The following PARD3 variants were observed in gnomAD, a reference collection of about 807,000 sequenced individuals.
The protein encoded by PARD3 is partitioning defective 3 homolog.
A neutral mutation model predicts 155.4 loss-of-function variants in PARD3; 75 were observed. The ratio of observed to expected loss-of-function variants is 0.48; its 90% CI spans 0.40 to 0.58. PARD3 has a LOEUF of 0.58. PARD3 is among the 20% of genes least tolerant of loss of function. The pLI, the probability that PARD3 is intolerant of heterozygous loss-of-function variation, is 0.00. For missense variants in PARD3, 1,642 were observed against 1,721.7 expected (o/e 0.95, Z 0.82); for synonymous variants, 576 against 610.5 (o/e 0.94, Z 0.83).
At chr10:34,329,689 G>A (rs2134219672) in intron 19 of PARD3, among the ~76,000 whole-genome samples, 1 of 152,114 alleles carries the variant, frequency 6.6e-6, no homozygotes, top group East Asian at 1.9e-4. Flanking sequence ...TGGAGAGGCC[G>A]CCAAAAGGGA....
At chr10:34,134,128 A>G (rs1947761204) in intron 22 of PARD3, among the ~76,000 whole-genome samples, 1 of 152,204 alleles carries the variant, frequency 6.6e-6, no homozygotes, top group Non-Finnish European at 1.5e-5. Flanking sequence ...AAAAATATAT[A>G]GTGTCCTATA....
At chr10:34,233,579 T>TA (rs1325060584) in intron 22 of PARD3, among the ~76,000 whole-genome samples, 1 of 152,078 alleles carries the variant, frequency 6.6e-6, no homozygotes, top group Non-Finnish European at 1.5e-5. Context: ...ACTCAACACT[T>TA]ACAATGCTCT....
chr10:34,806,307 T>C (rs1343291137), intron 1 of PARD3, among the ~76,000 whole-genome samples: 1 of 151,818 alleles, frequency 6.6e-6, no homozygotes, highest in Non-Finnish European at 1.5e-5. Context: ...GTGATTCTCT[T>C]GCCTCAGCCT....
At chr10:34,436,785 G>A (rs1339240371) in intron 5 of PARD3, among the ~76,000 whole-genome samples, 1 of 152,042 alleles carries the variant, frequency 6.6e-6, no homozygotes, top group Admixed American at 6.5e-5. Flanking sequence ...TTATGTGTCA[G>A]TCTATAAGGA....
At chr10:34,134,334 G>C (rs921883552) in intron 22 of PARD3, among the ~76,000 whole-genome samples, 1 of 150,508 alleles carries the variant, frequency 6.6e-6, no homozygotes, top group African/African-American at 2.5e-5. Context: ...GATTATAGGA[G>C]GTTTGACTGA....
At chr10:34,567,324 A>C (rs1444952397) in intron 2 of PARD3, among the ~76,000 whole-genome samples, 4 of 152,336 alleles carry the variant, frequency 2.6e-5, no homozygotes, top group South Asian at 4.1e-4. Flanking sequence ...ACAATGTCAA[A>C]ATAAATGTTC....
In PARD3 at chr10:34,366,973, G is replaced by A. The variant is rs999780948; in HGVS notation, c.1707+5525C>T. ...GGCTTTATAATGCCTTTTCTAATTC[G>A]AATGGTAGATGCCAAATACATTTTG... On this transcript the variant is annotated intron_variant, in intron 12 of 24. Transcript: ENST00000374788. 1.1e-4 allele frequency among the ~76,000 whole-genome samples: 16 copies of A among 152,078 alleles called. 1 individual carries two copies. In the East Asian group the frequency reaches 1.7e-3, roughly 16 times the overall value.
chr10:34,361,926 C>A (rs554829065), intron 12 of PARD3, among the ~76,000 whole-genome samples: 2 of 152,248 alleles, frequency 1.3e-5, no homozygotes, highest in South Asian at 4.1e-4. Context: ...AAAGTAAATA[C>A]ATTTATGATC....
At chr10:34,579,554 CTGTGTGTGTG>C (rs554959827) in intron 2 of PARD3, among the ~76,000 whole-genome samples, 64 of 122,572 alleles carry the variant, frequency 5.2e-4, no homozygotes, top group Admixed American at 9.9e-4. Context: ...ACCATTTTCT[CTGTGTGTGTG>C]TGTGTGTGTG....
At chr10:34,506,860 A>T (rs1231394670) in intron 3 of PARD3, among the ~76,000 whole-genome samples, 1 of 152,224 alleles carries the variant, frequency 6.6e-6, no homozygotes, top group East Asian at 1.9e-4. Flanking sequence ...GTGAAAAAGA[A>T]GATTTTATTG....
intron 2 of PARD3, among the ~76,000 whole-genome samples, chr10:34,628,482 G>A (rs1206503115): frequency 6.6e-6 from 1 of 152,252 alleles, no homozygotes; most frequent in African/African-American, 2.4e-5. Context: ...TATATCCTCT[G>A]TCCCAAGAAT....
intron 22 of PARD3, among the ~76,000 whole-genome samples, chr10:34,152,641 T>C (rs1220164394): frequency 6.6e-6 from 1 of 152,200 alleles, no homozygotes; most frequent in African/African-American, 2.4e-5. Context: ...TGTGCTGATC[T>C]CTATCATGGC....
intron 14 of PARD3, among the ~76,000 whole-genome samples, chr10:34,348,906 A>C (rs1837709899): frequency 6.6e-6 from 1 of 152,260 alleles, no homozygotes; most frequent in East Asian, 1.9e-4. Flanking sequence ...ATTTCTTAAA[A>C]CAGCTAGCTG....
chr10:34,337,501 T>C lies in PARD3; in HGVS notation c.2409-75A>G, dbSNP rs554736593. 1.3e-5 allele frequency: 11 copies of C among 817,246 alleles called. No homozygotes were observed. The South Asian group carries it at 3.0e-4, about 22-fold the overall frequency. The allele number at this position is 817,246 out of a possible 1,614,324, so 50.6% of individuals were successfully genotyped here. On this transcript the variant is annotated intron_variant, in intron 16 of 24. Transcript: ENST00000374788. ...CATCCATTTTAGGGAGGTTCATACATACCTGCAAGTGTAAATATACATATG... is the reference window on the plus strand; with the variant it reads ...CATCCATTTTAGGGAGGTTCATACACACCTGCAAGTGTAAATATACATATG...
intron 23 of PARD3, among the ~76,000 whole-genome samples, chr10:34,126,165 C>A (rs1322408965): frequency 6.6e-6 from 1 of 152,146 alleles, no homozygotes; most frequent in African/African-American, 2.4e-5. Context: ...GAATTCACTT[C>A]AATTATGGAG....
intron 1 of PARD3, among the ~76,000 whole-genome samples, chr10:34,762,469 C>CTTTTTTTTTTTTTT (rs72049773): frequency 2.0e-5 from 2 of 98,660 alleles, no homozygotes; most frequent in Non-Finnish European, 3.9e-5. Context: ...CCATGCCTGA[C>CTTTTTTTTTTTTTT]TTTTTTTTTT....
At chr10:34,490,329 T>G (rs1308972965) in intron 3 of PARD3, among the ~76,000 whole-genome samples, 1 of 152,118 alleles carries the variant, frequency 6.6e-6, no homozygotes, top group Non-Finnish European at 1.5e-5. Flanking sequence ...ACAATTTATT[T>G]TATTATTAGG....
At chr10:34,253,991 G>GCT (rs1954486907) in intron 22 of PARD3, among the ~76,000 whole-genome samples, 1 of 152,082 alleles carries the variant, frequency 6.6e-6, no homozygotes, top group Non-Finnish European at 1.5e-5. Flanking sequence ...CACGCACATT[G>GCT]CTCCAGTGAT....
chr10:34,427,149 T>C (rs2075653836), intron 5 of PARD3, among the ~76,000 whole-genome samples: 1 of 152,158 alleles, frequency 6.6e-6, no homozygotes, highest in Non-Finnish European at 1.5e-5. Flanking sequence ...TCTGGGCACC[T>C]TAAGAACAGG....
Sources: allele counts gnomAD v4.1 joint callset (sites outside exome capture counted in the v4.1 genomes callset), GRCh38; gene constraint gnomAD v4.1.1; transcripts MANE v1.5; gene names NCBI Gene and HGNC (gene_info 2026-07-23, HGNC 2026-07-21).